Variants in SKAP2 observed in about 807,000 individuals in gnomAD.
The protein encoded by SKAP2 is src kinase associated phosphoprotein 2, also known as src kinase-associated phosphoprotein 2.
Under a neutral mutation model 54.9 loss-of-function variants are expected in SKAP2, and 28 were observed. The observed-to-expected ratio is 0.51, with a 90% CI of 0.38 to 0.70. The LOEUF is 0.70. Ranked by LOEUF, SKAP2 falls within the 30% of genes least tolerant of loss-of-function variation. The pLI is 0.00. For synonymous variants in SKAP2, 137 were observed against 134.3 expected (o/e 1.02, Z -0.14); for missense variants, 356 against 424.1 (o/e 0.84, Z 1.41).
intron 4 of SKAP2, among the ~76,000 whole-genome samples, chr7:26,807,203 A>T (rs1335355969): frequency 6.6e-6 from 1 of 152,190 alleles, no homozygotes; most frequent in African/African-American, 2.4e-5. Flanking sequence ...ATATTACATA[A>T]ATTTAGGCGA....
intron 1 of SKAP2, among the ~76,000 whole-genome samples, chr7:26,856,285 C>G (rs1785160459): frequency 6.6e-6 from 1 of 151,998 alleles, no homozygotes; most frequent in African/African-American, 2.4e-5. Flanking sequence ...GTCACAGCTT[C>G]TCTTTCCTTG....
intron 1 of SKAP2, among the ~76,000 whole-genome samples, chr7:26,855,319 G>C (rs1455900756): frequency 1.3e-5 from 2 of 151,996 alleles, no homozygotes; most frequent in African/African-American, 4.8e-5. Flanking sequence ...GTCAATACAA[G>C]CTAATGTCTC....
At chr7:26,736,745 C>A (rs993452482) in intron 6 of SKAP2, among the ~76,000 whole-genome samples, 1 of 152,034 alleles carries the variant, frequency 6.6e-6, no homozygotes, top group Non-Finnish European at 1.5e-5. Context: ...AAATGGATCA[C>A]AAAGTAGTTA....
chr7:26,732,887 A>G (rs1343263612), intron 6 of SKAP2, among the ~76,000 whole-genome samples: 1 of 152,176 alleles, frequency 6.6e-6, no homozygotes, highest in Admixed American at 6.5e-5. Flanking sequence ...GTACCTGACT[A>G]TTTCTGCATG....
In SKAP2 at chr7:26,864,395, G is replaced by A. The variant is rs137938529; in HGVS notation, c.35C>T (p.Pro12Leu). 7,241 of 1,612,938 alleles carry A rather than the reference G, an allele frequency of 4.5e-3. 267 individuals carry two copies. The African/African-American group carries it at 0.081, about 18-fold the overall frequency. Reference sequence around the variant, plus strand: ...CAGGTTCCTAATTTCCTCAGGGAGGGGGTAGGGAGAGGAGGTGCTGCTGGG... The same window carrying A: ...CAGGTTCCTAATTTCCTCAGGGAGGAGGTAGGGAGAGGAGGTGCTGCTGGG... ...PNPSSTSSPY[P>L]LPEEIRNLLA... is the part of the protein sequence containing the mutation. Residue 12 changes from proline (P) to leucine (L), a missense_variant, in exon 1 of 13, where the codon CCC becomes CTC. Pro to Leu is a moderately conservative substitution (Grantham distance 98). Transcript: ENST00000345317.
chr7:26,810,072 G>T (rs1342319716), intron 4 of SKAP2, among the ~76,000 whole-genome samples: 2 of 152,064 alleles, frequency 1.3e-5, no homozygotes, highest in Non-Finnish European at 2.9e-5. Context: ...ACAGTGGTTC[G>T]CACCCGTAAT....
At chr7:26,665,770 G>A (rs1323259808), downstream of SKAP2, among the ~76,000 whole-genome samples, 1 of 152,086 alleles carries the variant, frequency 6.6e-6, no homozygotes, top group Non-Finnish European at 1.5e-5. Context: ...CAACTATAAA[G>A]CAGTAGGCGT....
intron 4 of SKAP2, among the ~76,000 whole-genome samples, chr7:26,787,759 G>A (rs1308273704): frequency 6.6e-6 from 1 of 152,112 alleles, no homozygotes; most frequent in African/African-American, 2.4e-5. Flanking sequence ...ACTCATTGTC[G>A]CATACTATTG....
At chr7:26,747,071 T>C (rs370549106) in intron 4 of SKAP2, among the ~76,000 whole-genome samples, 1 of 152,294 alleles carries the variant, frequency 6.6e-6, no homozygotes, top group African/African-American at 2.4e-5. Flanking sequence ...AAAAGGAAGA[T>C]ATTATATATT....
chr7:26,782,491 A>G (rs2127978636), intron 4 of SKAP2, among the ~76,000 whole-genome samples: 1 of 152,316 alleles, frequency 6.6e-6, no homozygotes, highest in African/African-American at 2.4e-5. Context: ...CCAAATTCAT[A>G]TATTAAAACC....
chr7:26,771,570 T>C (rs982118928), intron 4 of SKAP2, among the ~76,000 whole-genome samples: 2 of 152,122 alleles, frequency 1.3e-5, no homozygotes, highest in African/African-American at 4.8e-5. Context: ...AGTAGAAGAG[T>C]ATATACTTAC....
intron 8 of SKAP2, 38 bp downstream of exon 8, chr7:26,725,885 T>C (rs1787697308): frequency 6.6e-7 from 1 of 1,521,454 alleles, no homozygotes; most frequent in African/African-American, 1.4e-5. Flanking sequence ...ATTTAGTATT[T>C]AAAGACTGTG....
At chr7:26,708,579 A>G (rs1162759383) in intron 9 of SKAP2, among the ~76,000 whole-genome samples, 1 of 152,048 alleles carries the variant, frequency 6.6e-6, no homozygotes, top group African/African-American at 2.4e-5. Flanking sequence ...AAACTCCCCA[A>G]CCTTAATCCT....
chr7:26,841,330 T>C (rs1784812437), intron 4 of SKAP2, among the ~76,000 whole-genome samples: 1 of 151,432 alleles, frequency 6.6e-6, no homozygotes, highest in Non-Finnish European at 1.5e-5. Context: ...TTGCTATCAA[T>C]CAGGCAGTTG....
chr7:26,737,581 T>C (rs577664540), intron 6 of SKAP2, among the ~76,000 whole-genome samples: 1 of 152,310 alleles, frequency 6.6e-6, no homozygotes, highest in South Asian at 2.1e-4. Flanking sequence ...AAATAAAACA[T>C]AAATTTCCAA....
At chr7:26,683,537 G>GAAGGAAGA (rs1786557769) in intron 11 of SKAP2, among the ~76,000 whole-genome samples, 1 of 141,200 alleles carries the variant, frequency 7.1e-6, no homozygotes, top group African/African-American at 3.1e-5. Flanking sequence ...TGGATGGATG[G>GAAGGAAGA]AAGGAAGGAA....
At chr7:26,822,560 C>G (rs776478436) in intron 4 of SKAP2, among the ~76,000 whole-genome samples, 2 of 152,002 alleles carry the variant, frequency 1.3e-5, no homozygotes, top group Non-Finnish European at 2.9e-5. Context: ...AACATAACAA[C>G]ACTGAAATTA....
chr7:26,828,716 C>G (rs1004418551), intron 4 of SKAP2, among the ~76,000 whole-genome samples: 8 of 143,548 alleles, frequency 5.6e-5, no homozygotes, highest in Non-Finnish European at 9.1e-5. Flanking sequence ...AGGCAGACAT[C>G]TTAGACACGT....
At chr7:26,666,690 A>G (rs982321210), downstream of SKAP2, among the ~76,000 whole-genome samples, 14 of 152,212 alleles carry the variant, frequency 9.2e-5, no homozygotes, top group African/African-American at 3.4e-4. Flanking sequence ...CTGTAATTAA[A>G]TTAGCACACA....
Sources: gnomAD v4.1 joint callset for allele counts (sites outside exome capture counted in the v4.1 genomes callset) on GRCh38, gnomAD v4.1.1 for gene constraint, MANE v1.5 for transcripts, NCBI Gene and HGNC (gene_info 2026-07-23, HGNC 2026-07-21) for gene names.